The following DNAJB6 variants were observed in gnomAD, a reference collection of about 807,000 sequenced individuals.
DNAJB6 encodes DnaJ heat shock protein family (Hsp40) member B6, also known as dnaJ homolog subfamily B member 6.
In DNAJB6, 16 loss-of-function variants were observed where a neutral mutation model predicts 42.7. The ratio of observed to expected loss-of-function variants is 0.37; its 90% CI spans 0.25 to 0.57. The LOEUF (loss-of-function observed/expected upper bound fraction) is 0.57, where lower values mean the gene tolerates loss of function less well. DNAJB6 is among the 20% of genes least tolerant of loss of function. The pLI, the probability that DNAJB6 is intolerant of heterozygous loss-of-function variation, is 0.74. For missense variants in DNAJB6, 347 were observed against 416.8 expected, an observed-to-expected ratio of 0.83 and a Z score of 1.46; for synonymous variants, 170 against 163.5, an observed-to-expected ratio of 1.04 and a Z score of -0.30.
chr7:157,379,941 G>C (rs9297109), intron 5 of DNAJB6: 1 of 150,992 alleles, frequency 6.6e-6, no homozygotes, highest in African/African-American at 2.4e-5. Flanking sequence ...CCTCCTGGGT[G>C]GCTGAGACTA....
chr7:157,413,788 T>C (rs555248852), intron 9 of DNAJB6: 1 of 149,862 alleles, frequency 6.7e-6, no homozygotes, highest in East Asian at 2.0e-4. Flanking sequence ...AGTGGCGTGA[T>C]CTCGGCTCAC....
chr7:157,414,154 CAT>C (rs1796049267), intron 9 of DNAJB6: 1 of 152,378 alleles, frequency 6.6e-6, no homozygotes, highest in Non-Finnish European at 1.5e-5. Context: ...GTCCCTAGCT[CAT>C]AAAGGCCCAG....
At chr7:157,347,131 A>G (rs1798730368) in intron 1 of DNAJB6, among the ~76,000 whole-genome samples, 1 of 152,232 alleles carries the variant, frequency 6.6e-6, no homozygotes, top group Non-Finnish European at 1.5e-5. Flanking sequence ...CTGGGATTAC[A>G]GGCATGAGCC....
intron 2 of DNAJB6, among the ~76,000 whole-genome samples, chr7:157,361,967 T>C (rs558059396): frequency 6.6e-6 from 1 of 152,274 alleles, no homozygotes; most frequent in South Asian, 2.1e-4. Context: ...GGTTTTGCCA[T>C]GTTGGCCAGG....
At chr7:157,367,234 GA>G in intron 4 of DNAJB6, 138 bp from the exon 5 acceptor site, 1 of 628,866 alleles carries the variant, frequency 1.6e-6, no homozygotes, top group Non-Finnish European at 2.8e-6. Flanking sequence ...CTCATGTTTT[GA>G]ATTATAGAGA....
intron 8 of DNAJB6, among the ~76,000 whole-genome samples, chr7:157,404,537 G>A (rs1795682671): frequency 7.2e-6 from 1 of 139,370 alleles, no homozygotes; most frequent in Non-Finnish European, 1.5e-5. Context: ...TTGGTAAGGA[G>A]TCTCGCTCTG....
chr7:157,383,069 G>A (rs1800869045), intron 6 of DNAJB6, among the ~76,000 whole-genome samples: 1 of 152,122 alleles, frequency 6.6e-6, no homozygotes, highest in South Asian at 2.1e-4. Flanking sequence ...GTAGTGGCAC[G>A]GTCTCAGCTC....
At chr7:157,359,547 AG>A (rs1310227248) in intron 2 of DNAJB6, among the ~76,000 whole-genome samples, 2 of 152,092 alleles carry the variant, frequency 1.3e-5, no homozygotes, top group African/African-American at 4.8e-5. Flanking sequence ...AATTACGGCC[AG>A]GCAAGTGGCT....
chr7:157,400,507 G>C (rs1801813508), intron 8 of DNAJB6, among the ~76,000 whole-genome samples: 1 of 152,208 alleles, frequency 6.6e-6, no homozygotes, highest in Non-Finnish European at 1.5e-5. Context: ...CTCTAAAGCT[G>C]GGTCCTAAAC....
At chr7:157,399,861 G>T (rs758446820) in intron 8 of DNAJB6, among the ~76,000 whole-genome samples, 6 of 152,106 alleles carry the variant, frequency 3.9e-5, no homozygotes, top group Non-Finnish European at 8.8e-5. Context: ...TAGAGACGGG[G>T]TTTCACCACG....
intron 8 of DNAJB6, among the ~76,000 whole-genome samples, chr7:157,387,793 G>GTT: frequency 7.0e-6 from 1 of 143,810 alleles, no homozygotes; most frequent in Admixed American, 6.7e-5. Flanking sequence ...TTTTTTTTGA[G>GTT]GAGGAGGGAG....
At chr7:157,375,831 C>T (rs1800443850) in intron 5 of DNAJB6, among the ~76,000 whole-genome samples, 1 of 152,198 alleles carries the variant, frequency 6.6e-6, no homozygotes, top group Non-Finnish European at 1.5e-5. Flanking sequence ...GCGTTTCTCC[C>T]TTTTGAGGGC....
chr7:157,398,508 G>C (rs936435070), intron 8 of DNAJB6, among the ~76,000 whole-genome samples: 1 of 152,218 alleles, frequency 6.6e-6, no homozygotes, highest in Non-Finnish European at 1.5e-5. Flanking sequence ...ACTCCATTCA[G>C]ACTCCATTTG....
chr7:157,371,620 T>A, intron 5 of DNAJB6, among the ~76,000 whole-genome samples: 1 of 152,268 alleles, frequency 6.6e-6, no homozygotes, highest in East Asian at 1.9e-4. Flanking sequence ...TCAAAACTGC[T>A]GAGGCTAGGT....
chr7:157,374,681 G>A (rs758603882), intron 5 of DNAJB6, among the ~76,000 whole-genome samples: 6 of 152,090 alleles, frequency 3.9e-5, no homozygotes, highest in Non-Finnish European at 7.3e-5. Flanking sequence ...TTCCTCTGAC[G>A]TCCTCCCTTA....
In DNAJB6 at chr7:157,409,877, C is replaced by T; in HGVS notation, c.774C>T (p.Arg258=). ...TGCCAGCCCAGCCTGCCGGCCTCCGCCCGCCGAAGCCGCCCCGGCCTGCCT... is the reference window on the plus strand; with the variant it reads ...TGCCAGCCCAGCCTGCCGGCCTCCGTCCGCCGAAGCCGCCCCGGCCTGCCT... The part of the protein sequence containing the change: ...NALPAQPAGL[R]PPKPPRPASL... The change falls in exon 9 of 10, where the codon CGC becomes CGT. Residue 258 remains arginine (R), a synonymous_variant. Transcript: ENST00000262177. 2.6e-6 allele frequency: 4 copies of T among 1,533,682 alleles called. No individual in the cohort carries two copies. The highest frequency in any genetic ancestry group is 2.6e-6 in the Non-Finnish European group (3 of 1,145,708).
chr7:157,364,757 A>T (rs2116981673), intron 3 of DNAJB6, among the ~76,000 whole-genome samples: 1 of 152,270 alleles, frequency 6.6e-6, no homozygotes. Context: ...AAACTACCAC[A>T]CTGAAAAGTC....
chr7:157,364,854 A>T (rs1245933308), intron 3 of DNAJB6, among the ~76,000 whole-genome samples: 1 of 152,200 alleles, frequency 6.6e-6, no homozygotes, highest in East Asian at 1.9e-4. Flanking sequence ...TCTTCAAAAC[A>T]TGGTCATTGT....
chr7:157,339,332 C>A (rs1798222098), intron 1 of DNAJB6, among the ~76,000 whole-genome samples: 1 of 117,430 alleles, frequency 8.5e-6, no homozygotes, highest in Non-Finnish European at 1.6e-5. Flanking sequence ...CTTGCTCTGT[C>A]GCCCAGGCCG....
Sources: gnomAD v4.1 joint callset for allele counts (sites outside exome capture counted in the v4.1 genomes callset) on GRCh38, gnomAD v4.1.1 for gene constraint, MANE v1.5 for transcripts, NCBI Gene and HGNC (gene_info 2026-07-23, HGNC 2026-07-21) for gene names.